The following HORMAD2 variants were observed in gnomAD, a reference collection of about 807,000 sequenced individuals.
HORMAD2 encodes HORMA domain-containing protein 2.
HORMAD2 carries 45 observed loss-of-function variants against 38.8 expected under a neutral mutation model. The ratio of observed to expected loss-of-function variants is 1.16; its 90% confidence interval spans 0.91 to 1.49. The LOEUF is 1.49. HORMAD2 is among the 40% of genes most tolerant of loss of function. The pLI, the probability that HORMAD2 is intolerant of heterozygous loss-of-function variation, is 0.00. For synonymous variants in HORMAD2, 126 were observed against 122.8 expected (o/e 1.03, Z -0.17); for missense variants, 338 against 367.0 (o/e 0.92, Z 0.65).
chr22:30,128,364 G>A (rs891735020), intron 10 of HORMAD2, among the ~76,000 whole-genome samples: 2 of 151,942 alleles, frequency 1.3e-5, no homozygotes, highest in Non-Finnish European at 2.9e-5. Context: ...CATGGTATAT[G>A]TGAATTTATT....
the HORMAD2 span, among the ~76,000 whole-genome samples, chr22:30,200,584 T>A: frequency 6.6e-6 from 1 of 151,896 alleles, no homozygotes; most frequent in Non-Finnish European, 1.5e-5. Flanking sequence ...TTCTTTCTGG[T>A]TTCTTTAATT....
intron 10 of HORMAD2, among the ~76,000 whole-genome samples, chr22:30,158,796 C>T (rs1925267153): frequency 6.6e-6 from 1 of 151,660 alleles, no homozygotes; most frequent in Admixed American, 6.6e-5. Flanking sequence ...GCGATCCTCC[C>T]ACCCCAGGCT....
At chr22:30,083,940 A>G (rs1030540343) in intron 1 of HORMAD2, among the ~76,000 whole-genome samples, 2 of 152,228 alleles carry the variant, frequency 1.3e-5, no homozygotes, top group Non-Finnish European at 2.9e-5. Context: ...AGTACATCAT[A>G]TTAGATAGAA....
At chr22:30,087,020 C>T (rs1378940163) in intron 1 of HORMAD2, among the ~76,000 whole-genome samples, 4 of 152,134 alleles carry the variant, frequency 2.6e-5, no homozygotes, top group African/African-American at 9.7e-5. Flanking sequence ...TGCCACCACG[C>T]CCAGCTAATT....
At chr22:30,101,674 C>T (rs1371724053) in intron 3 of HORMAD2, among the ~76,000 whole-genome samples, 1 of 151,794 alleles carries the variant, frequency 6.6e-6, no homozygotes, top group African/African-American at 2.4e-5. Context: ...TAGAGAGCTA[C>T]AAGTTGCCTT....
chr22:30,158,860 T>C (rs1925271086), intron 10 of HORMAD2, among the ~76,000 whole-genome samples: 1 of 151,808 alleles, frequency 6.6e-6, no homozygotes, highest in Non-Finnish European at 1.5e-5. Context: ...GATTTTTGTA[T>C]TTTTGGTAGA....
At chr22:30,173,973 C>A (rs1036315106) in intron 10 of HORMAD2, among the ~76,000 whole-genome samples, 1 of 152,154 alleles carries the variant, frequency 6.6e-6, no homozygotes, top group African/African-American at 2.4e-5. Flanking sequence ...TACTTTTTGG[C>A]TCCCCAAATG....
intron 10 of HORMAD2, among the ~76,000 whole-genome samples, chr22:30,127,487 G>A (rs1405997587): frequency 6.6e-6 from 1 of 152,100 alleles, no homozygotes; most frequent in African/African-American, 2.4e-5. Context: ...GATTACAGGT[G>A]TGAACCACCA....
At chr22:30,163,794 A>T (rs1270714362) in intron 10 of HORMAD2, among the ~76,000 whole-genome samples, 1 of 152,138 alleles carries the variant, frequency 6.6e-6, no homozygotes, top group Admixed American at 6.5e-5. Flanking sequence ...GGTAAAATAT[A>T]CATAATATAT....
At chr22:30,110,510 C>T (rs192955663) in intron 5 of HORMAD2, among the ~76,000 whole-genome samples, 10 of 151,540 alleles carry the variant, frequency 6.6e-5, no homozygotes, top group African/African-American at 2.4e-4. Flanking sequence ...TTCAGCCTCC[C>T]AAGTAGCTGG....
the HORMAD2 span, among the ~76,000 whole-genome samples, chr22:30,185,208 T>G: frequency 6.6e-6 from 1 of 152,180 alleles, no homozygotes; most frequent in East Asian, 1.9e-4. Flanking sequence ...TCATCATCAG[T>G]GGTTCTAGAG....
intron 10 of HORMAD2, among the ~76,000 whole-genome samples, chr22:30,161,393 C>G (rs1206963107): frequency 6.6e-6 from 1 of 152,200 alleles, no homozygotes; most frequent in Non-Finnish European, 1.5e-5. Flanking sequence ...AATTCTGTAT[C>G]TATTATCTGT....
At chr22:30,151,778 G>C (rs1359155086) in intron 10 of HORMAD2, among the ~76,000 whole-genome samples, 2 of 152,186 alleles carry the variant, frequency 1.3e-5, no homozygotes, top group African/African-American at 4.8e-5. Context: ...AAGATAGTTT[G>C]AAAGATGACA....
intron 5 of HORMAD2, among the ~76,000 whole-genome samples, chr22:30,106,654 T>C (rs1921220847): frequency 1.3e-5 from 2 of 152,304 alleles, no homozygotes; most frequent in South Asian, 4.1e-4. Flanking sequence ...CAGTACAATA[T>C]AGTTAGAACT....
At chr22:30,178,380 T>C (rs1175699008), downstream of HORMAD2, among the ~76,000 whole-genome samples, 1 of 152,214 alleles carries the variant, frequency 6.6e-6, no homozygotes, top group Non-Finnish European at 1.5e-5. Flanking sequence ...TGAGGCAGTG[T>C]GTATGTGAGA....
chr22:30,137,411 C>A, intron 10 of HORMAD2: 1 of 440,628 alleles, frequency 2.3e-6, no homozygotes, highest in South Asian at 1.8e-5. Flanking sequence ...TATTTGAGCC[C>A]AGGAGGTCAA....
intron 6 of HORMAD2, 41 bp from the exon 7 acceptor site, chr22:30,112,455 A>C: frequency 8.9e-7 from 1 of 1,122,686 alleles, no homozygotes; most frequent in Non-Finnish European, 1.3e-6. Context: ...GTAATCTAGT[A>C]AATTCCAGAA....
At chr22:30,119,335 T>C (rs1323297309) in intron 8 of HORMAD2, among the ~76,000 whole-genome samples, 2 of 152,174 alleles carry the variant, frequency 1.3e-5, no homozygotes, top group African/African-American at 4.8e-5. Flanking sequence ...GTCTAGCCAT[T>C]AATTCAAAGT....
chr22:30,201,434 TC>T, the HORMAD2 span, among the ~76,000 whole-genome samples: 1 of 131,016 alleles, frequency 7.6e-6, no homozygotes, highest in African/African-American at 3.5e-5. Context: ...TTTTTTTTTT[TC>T]CAAGACGGAT....
Sources: allele counts gnomAD v4.1 joint callset (sites outside exome capture counted in the v4.1 genomes callset), GRCh38; gene constraint gnomAD v4.1.1; transcripts MANE v1.5; gene names NCBI Gene and HGNC (gene_info 2026-07-23, HGNC 2026-07-21).